The following ACOT13 variants were observed in gnomAD, a reference collection of about 807,000 sequenced individuals.
ACOT13 encodes the protein acyl-coenzyme A thioesterase 13.
A neutral mutation model predicts 11.8 loss-of-function variants in ACOT13; 10 were observed. The ratio of observed to expected loss-of-function variants is 0.85; its 90% CI spans 0.53 to 1.44. The LOEUF (loss-of-function observed/expected upper bound fraction) is 1.44, where lower values mean the gene tolerates loss of function less well. Ranked by LOEUF, ACOT13 falls within the 40% of genes most tolerant of loss-of-function variation. The probability of loss-of-function intolerance (pLI) is 0.00; values close to 1 mark genes in which losing one functional copy is unlikely to be tolerated. For synonymous variants in ACOT13, 53 were observed against 61.0 expected (o/e 0.87, Z 0.61); for missense variants, 172 against 174.1 (o/e 0.99, Z 0.07).
At chr6:24,696,807 CCTCT>C (rs1778801980) in intron 1 of ACOT13, among the ~76,000 whole-genome samples, 1 of 151,572 alleles carries the variant, frequency 6.6e-6, no homozygotes. Flanking sequence ...ACTGAGTCTC[CCTCT>C]GTCATCCAGG....
At position 24,685,757 on chromosome 6, in the gene ACOT13, T is replaced by C. The variant is rs534159519; in HGVS notation, c.82-12126T>C. Among the ~76,000 whole-genome samples the C allele has an allele frequency of 3.9e-5, 6 of 152,342 alleles. No individual in the cohort carries two copies. In the South Asian group the frequency reaches 1.2e-3, roughly 32 times the overall value. On this transcript the variant is annotated intron_variant, in intron 1 of 2. Coordinates refer to ENST00000230048, the MANE Select transcript of ACOT13 (RefSeq NM_018473.4). Reference sequence around the variant, plus strand: ...GTCTGGAGACATTTTTGAGGGACACTACTGGCATCTAATGGATAGAGACCA... The same window carrying C: ...GTCTGGAGACATTTTTGAGGGACACCACTGGCATCTAATGGATAGAGACCA...
intron 1 of ACOT13, among the ~76,000 whole-genome samples, chr6:24,675,573 G>A (rs893093608): frequency 2.6e-5 from 4 of 152,066 alleles, no homozygotes; most frequent in Non-Finnish European, 5.9e-5. Context: ...TTTTCGATGG[G>A]GTTGTTTGAT....
intron 1 of ACOT13, among the ~76,000 whole-genome samples, chr6:24,685,788 G>A (rs1778620052): frequency 6.6e-6 from 1 of 152,274 alleles, no homozygotes; most frequent in African/African-American, 2.4e-5. Context: ...GACCAGAAGT[G>A]GTGCTAAATA....
Position 24,701,657 on chromosome 6 carries a change from C to T in ACOT13, c.*42C>T, listed in dbSNP as rs1778895158. 1 of 1,544,948 alleles carries T rather than the reference C, an allele frequency of 6.5e-7. No homozygotes were observed. Among genetic ancestry groups the T allele is most frequent in the African/African-American group, 1.4e-5 (1 of 72,294 alleles). The stretch of plus-strand genomic sequence containing the variant: ...CCTAAAGAAACCCAACAATGAATAT[C>T]AAGTATAGATTTGACTCAAACAATT... On this transcript the variant is annotated 3_prime_UTR_variant, in exon 3 of 3. Transcript: ENST00000230048.
chr6:24,701,296 T>TA (rs1452799431), intron 2 of ACOT13, 163 bp from the exon 3 acceptor site: 2 of 492,702 alleles, frequency 4.1e-6, no homozygotes, highest in Non-Finnish European at 6.7e-6. Context: ...AGAACCTGGT[T>TA]AGGACCAGCC....
At chr6:24,686,726 G>T (rs1178564219) in intron 1 of ACOT13, among the ~76,000 whole-genome samples, 1 of 142,450 alleles carries the variant, frequency 7.0e-6, no homozygotes, top group African/African-American at 2.6e-5. Context: ...TTTCTTACAG[G>T]ATCTTACCCT....
At chr6:24,684,231 G>T (rs1360905516) in intron 1 of ACOT13, among the ~76,000 whole-genome samples, 1 of 152,120 alleles carries the variant, frequency 6.6e-6, no homozygotes, top group East Asian at 1.9e-4. Context: ...TTTTCAAATG[G>T]CAAATGGCAT....
Position 24,703,223 on chromosome 6 carries a change from C to T in ACOT13, c.*1608C>T, listed in dbSNP as rs1204182789. ...GGGAATCTTAATGAACATTTCATGA[C>T]TAAAGACTAAAAAGGATGCAGCTTT... On this transcript the variant is annotated 3_prime_UTR_variant, in exon 3 of 3. Coordinates refer to ENST00000230048, the MANE Select transcript of ACOT13 (RefSeq NM_018473.4). The T allele has an allele frequency of 6.6e-6, 1 of 152,162 alleles. No homozygotes were observed. Among genetic ancestry groups the T allele is most frequent in the East Asian group, 1.9e-4 (1 of 5,198 alleles). The allele number at this position is 152,162 out of a possible 1,614,324, so 9.4% of individuals were successfully genotyped here.
At chr6:24,676,773 C>T (rs990403369) in intron 1 of ACOT13, among the ~76,000 whole-genome samples, 2 of 152,164 alleles carry the variant, frequency 1.3e-5, no homozygotes, top group Non-Finnish European at 2.9e-5. Flanking sequence ...CAGTTCCTTT[C>T]TGTTTCCCTT....
chr6:24,693,224 T>G (rs1177210697), intron 1 of ACOT13, among the ~76,000 whole-genome samples: 4 of 152,254 alleles, frequency 2.6e-5, no homozygotes, highest in African/African-American at 9.6e-5. Context: ...TGTCTGTTTT[T>G]CTTTGTGCTT....
intron 1 of ACOT13, among the ~76,000 whole-genome samples, chr6:24,676,652 A>G (rs367921691): frequency 1.3e-4 from 19 of 151,902 alleles, no homozygotes; most frequent in East Asian, 1.9e-4. Flanking sequence ...TAAATATACA[A>G]TCATGTCATC....
chr6:24,701,532 G>GC lies in ACOT13; in HGVS notation c.341dup (p.Phe115IlefsTer44), dbSNP rs780289924. 1.2e-6 allele frequency: 2 copies of GC among 1,614,006 alleles called. No individual in the cohort carries two copies. Among genetic ancestry groups the GC allele is most frequent in the South Asian group, 2.2e-5 (2 of 91,066 alleles). The stretch of plus-strand genomic sequence containing the variant: ...TGTTCTGAAGCAAGGAAAAACACTT[G>GC]CATTTACCTCTGTGGATCTGACCAA... On this transcript the variant is annotated frameshift_variant, in exon 3 of 3. Transcript: ENST00000230048. LOFTEE classifies it high-confidence loss of function.
chr6:24,667,449 G>T (rs1374068145), intron 1 of ACOT13, 105 bp downstream of exon 1: 4 of 990,344 alleles, frequency 4.0e-6, no homozygotes, highest in Non-Finnish European at 6.3e-6. Flanking sequence ...GTTAGGTTGT[G>T]TTCTAGTACG....
intron 1 of ACOT13, among the ~76,000 whole-genome samples, chr6:24,683,246 T>C (rs931547531): frequency 6.6e-6 from 1 of 152,184 alleles, no homozygotes; most frequent in Non-Finnish European, 1.5e-5. Context: ...ATTTAGAAAG[T>C]TTATTTTGCA....
chr6:24,672,242 A>T (rs953245060), intron 1 of ACOT13, among the ~76,000 whole-genome samples: 2 of 152,186 alleles, frequency 1.3e-5, no homozygotes. Flanking sequence ...GAGAGAGGGG[A>T]CTTAACTTTC....
At position 24,683,539 on chromosome 6, in the gene ACOT13, A is replaced by C. The variant is rs376748253; in HGVS notation, c.82-14344A>C. Among the ~76,000 whole-genome samples the C allele has an allele frequency of 1.9e-3, 278 of 149,670 alleles. 2 individuals are homozygous for C. Among genetic ancestry groups the C allele is most frequent in the African/African-American group, 5.8e-3 (237 of 40,698 alleles). ...TGGACAGAGTGAGACTGTCTCTCTC[A>C]AAAAAAAAATTAAGTTTATTTTGCC... On this transcript the variant is annotated intron_variant, in intron 1 of 2. Coordinates refer to ENST00000230048, the MANE Select transcript of ACOT13 (RefSeq NM_018473.4).
chr6:24,701,509 T>G lies in ACOT13; in HGVS notation c.317T>G (p.Val106Gly). The G allele has an allele frequency of 1.2e-6, 2 of 1,613,944 alleles. No homozygotes were observed. Among genetic ancestry groups the G allele is most frequent in the Non-Finnish European group, 1.7e-6 (2 of 1,179,882 alleles). Residue 106 changes from valine (V) to glycine (G), a missense_variant, in exon 3 of 3, where the codon GTT (valine) becomes GGT (glycine). Coordinates refer to ENST00000230048, the MANE Select transcript of ACOT13 (RefSeq NM_018473.4). ...LGEDIVITAH[V>G]LKQGKTLAFT... Reference sequence around the variant, plus strand: ...GAAGATATAGTGATTACAGCACATGTTCTGAAGCAAGGAAAAACACTTGCA... The same window carrying G: ...GAAGATATAGTGATTACAGCACATGGTCTGAAGCAAGGAAAAACACTTGCA...
chr6:24,674,647 C>G lies in ACOT13; in HGVS notation c.81+7303C>G, dbSNP rs140683517. On this transcript the variant is annotated intron_variant, in intron 1 of 2. Transcript: ENST00000230048. The stretch of plus-strand genomic sequence containing the variant: ...GCCAAGCTAGTCTCAAACTCCTGAC[C>G]TCAAGTGATCTGACTGCCTTGGCCT... 4.5e-4 allele frequency among the ~76,000 whole-genome samples: 68 copies of G among 151,020 alleles called. No individual in the cohort carries two copies. The East Asian group carries it at 0.012, about 27-fold the overall frequency.
intron 1 of ACOT13, among the ~76,000 whole-genome samples, chr6:24,688,011 C>G (rs1778660940): frequency 6.6e-6 from 1 of 151,788 alleles, no homozygotes; most frequent in Non-Finnish European, 1.5e-5. Flanking sequence ...CCGCACCCAG[C>G]CAGAAGAATA....
Sources: allele counts gnomAD v4.1 joint callset (sites outside exome capture counted in the v4.1 genomes callset), GRCh38; gene constraint gnomAD v4.1.1; transcripts MANE v1.5; gene names NCBI Gene and HGNC (gene_info 2026-07-23, HGNC 2026-07-21).